NT5DC1: variants seen among roughly 807,000 people sequenced by gnomAD.
NT5DC1 encodes the protein 5'-nucleotidase domain-containing protein 1.
In NT5DC1, 42 loss-of-function variants were observed where a neutral mutation model predicts 59.4. The ratio of observed to expected loss-of-function variants is 0.71; its 90% CI spans 0.55 to 0.92. The LOEUF is 0.92. NT5DC1 is among the 40% of genes least tolerant of loss of function. The pLI, the probability that NT5DC1 is intolerant of heterozygous loss-of-function variation, is 0.00. For synonymous variants in NT5DC1, 172 were observed against 188.1 expected (o/e 0.91, Z 0.70); for missense variants, 501 against 537.1 (o/e 0.93, Z 0.66).
rs1390680778 is a variant in NT5DC1, at chr6:116,244,779, T to C, written c.*755T>C. ...TTATTCTCTGTTCATACAGCAAGTA[T>C]GGAAAAAAGATGATCTAGAAGTCAA... On this transcript the variant is annotated 3_prime_UTR_variant, in exon 12 of 12. Transcript: ENST00000319550. The C allele has an allele frequency of 6.6e-6, 1 of 152,218 alleles. No homozygotes were observed. The highest frequency in any genetic ancestry group is 2.4e-5 in the African/African-American group (1 of 41,466). The allele number at this position is 152,218 out of a possible 1,614,324, so 9.4% of individuals were successfully genotyped here.
intron 6 of NT5DC1, among the ~76,000 whole-genome samples, chr6:116,194,628 A>C (rs1352471660): frequency 6.6e-6 from 1 of 152,062 alleles, no homozygotes; most frequent in Non-Finnish European, 1.5e-5. Flanking sequence ...AATAAAGGAT[A>C]ATGTGAATTC....
At chr6:116,210,093 G>C (rs372840798) in intron 6 of NT5DC1, among the ~76,000 whole-genome samples, 2 of 151,764 alleles carry the variant, frequency 1.3e-5, no homozygotes, top group Admixed American at 1.3e-4. Flanking sequence ...GATTTCTAAG[G>C]CTCCTTTTAA....
intron 11 of NT5DC1, among the ~76,000 whole-genome samples, chr6:116,241,918 G>A (rs547923348): frequency 0.011 from 802 of 71,216 alleles, 9 homozygotes; most frequent in African/African-American, 0.045. Context: ...GCAAGACTCC[G>A]TCTCAAAAAA....
intron 6 of NT5DC1, among the ~76,000 whole-genome samples, chr6:116,220,558 A>T (rs552564827): frequency 6.6e-6 from 1 of 152,218 alleles, no homozygotes; most frequent in Admixed American, 6.5e-5. Flanking sequence ...TGGCTCCCCT[A>T]GTATAGATTC....
intron 6 of NT5DC1, among the ~76,000 whole-genome samples, chr6:116,126,666 A>G (rs941649229): frequency 2.6e-5 from 4 of 152,162 alleles, no homozygotes; most frequent in Non-Finnish European, 5.9e-5. Context: ...TAGATCCCTT[A>G]TTCACAACAC....
At position 116,247,674 on chromosome 6, in the gene NT5DC1, T is replaced by C. The variant is rs1410247834; in HGVS notation, c.*3650T>C. 6.6e-6 allele frequency: 1 copy of C among 152,196 alleles called. No homozygotes were observed. Among genetic ancestry groups the C allele is most frequent in the Non-Finnish European group, 1.5e-5 (1 of 68,034 alleles). 9.4% of individuals were successfully genotyped at this position (152,196 alleles called of 1,614,324 possible). On this transcript the variant is annotated 3_prime_UTR_variant, in exon 12 of 12. Coordinates refer to ENST00000319550, the MANE Select transcript of NT5DC1 (RefSeq NM_152729.3). ...TTCAAAAAACAAGTTTATTTTACTT[T>C]TTTTGGTACTTTGGTCATGTTGTTT... is the stretch of plus-strand genomic sequence containing the variant.
intron 6 of NT5DC1, among the ~76,000 whole-genome samples, chr6:116,146,749 A>G (rs1172664821): frequency 1.3e-5 from 2 of 152,094 alleles, no homozygotes; most frequent in East Asian, 3.8e-4. Context: ...AAGTTCAGAA[A>G]TAGACCCAAA....
At chr6:116,137,478 C>T (rs1277751633) in intron 6 of NT5DC1, 3 of 185,876 alleles carry the variant, frequency 1.6e-5, no homozygotes, top group Non-Finnish European at 3.5e-5. Flanking sequence ...ACAGTAGGTG[C>T]CATTGAGCCT....
At chr6:116,195,038 C>T (rs929040675) in intron 6 of NT5DC1, among the ~76,000 whole-genome samples, 1 of 152,088 alleles carries the variant, frequency 6.6e-6, no homozygotes, top group Non-Finnish European at 1.5e-5. Context: ...CTCTACCGCT[C>T]TCTCTATATT....
intron 8 of NT5DC1, among the ~76,000 whole-genome samples, chr6:116,225,699 A>G (rs925618370): frequency 7.2e-5 from 11 of 152,228 alleles, no homozygotes; most frequent in African/African-American, 1.9e-4. Context: ...GAACCAGGGT[A>G]TATGTGCAGC....
At chr6:116,170,306 CT>C (rs981976432) in intron 6 of NT5DC1, among the ~76,000 whole-genome samples, 26 of 151,168 alleles carry the variant, frequency 1.7e-4, no homozygotes, top group African/African-American at 4.6e-4. Context: ...TATATATGTA[CT>C]TTTTTTTTAA....
intron 8 of NT5DC1, among the ~76,000 whole-genome samples, chr6:116,236,595 A>G (rs1245026315): frequency 6.6e-6 from 1 of 152,208 alleles, no homozygotes; most frequent in Non-Finnish European, 1.5e-5. Flanking sequence ...ATTCTAAAAA[A>G]TTAACACCTA....
intron 6 of NT5DC1, among the ~76,000 whole-genome samples, chr6:116,185,716 A>G (rs1780980396): frequency 1.3e-5 from 2 of 152,080 alleles, no homozygotes; most frequent in South Asian, 4.1e-4. Context: ...ATTTGCATGG[A>G]ATATTTTTTT....
At chr6:116,214,127 A>G (rs1264070281) in intron 6 of NT5DC1, among the ~76,000 whole-genome samples, 1 of 152,052 alleles carries the variant, frequency 6.6e-6, no homozygotes, top group Non-Finnish European at 1.5e-5. Context: ...GTGGCAAACC[A>G]CTTACAAACT....
At chr6:116,240,909 C>T (rs533274276) in intron 11 of NT5DC1, among the ~76,000 whole-genome samples, 67 of 151,954 alleles carry the variant, frequency 4.4e-4, no homozygotes, top group Middle Eastern at 3.4e-3. Context: ...TTTGGGAGGC[C>T]GAGGTGGGCG....
At chr6:116,116,099 T>A (rs890550655) in intron 5 of NT5DC1, among the ~76,000 whole-genome samples, 2 of 152,068 alleles carry the variant, frequency 1.3e-5, no homozygotes, top group Non-Finnish European at 2.9e-5. Flanking sequence ...AATAAAAAAG[T>A]TAGAGGTGAT....
intron 7 of NT5DC1, among the ~76,000 whole-genome samples, chr6:116,221,440 T>C (rs1359898238): frequency 1.3e-5 from 2 of 152,190 alleles, no homozygotes; most frequent in Non-Finnish European, 2.9e-5. Context: ...TGGGGACCAG[T>C]ATGCTCATAG....
At chr6:116,238,855 C>A in intron 10 of NT5DC1, 100 bp from the exon 11 acceptor site, 1 of 724,186 alleles carries the variant, frequency 1.4e-6, no homozygotes, top group East Asian at 2.6e-5. Context: ...TTGTAGATTC[C>A]TACAGGGTTT....
chr6:116,235,148 C>T (rs569657174), intron 8 of NT5DC1, among the ~76,000 whole-genome samples: 5 of 151,408 alleles, frequency 3.3e-5, no homozygotes, highest in South Asian at 2.1e-4. Context: ...ATTCTCTTCC[C>T]GTTATCCTTG....
Sources: allele counts gnomAD v4.1 joint callset (sites outside exome capture counted in the v4.1 genomes callset), GRCh38; gene constraint gnomAD v4.1.1; transcripts MANE v1.5; gene names NCBI Gene and HGNC (gene_info 2026-07-23, HGNC 2026-07-21).